LTBP2: variants seen among roughly 807,000 people sequenced by gnomAD.
LTBP2 encodes latent-transforming growth factor beta-binding protein 2.
Under a neutral mutation model 210.6 loss-of-function variants are expected in LTBP2, and 103 were observed. That is an observed-to-expected ratio of 0.49 (90% CI 0.42 to 0.58). LTBP2 has a LOEUF of 0.58. Among genes scored for constraint, LTBP2 ranks in the 20% least tolerant of loss-of-function variants. LTBP2 has a pLI of 0.00. For missense variants in LTBP2, 2,313 were observed against 2,494.5 expected (o/e 0.93, Z 1.55); for synonymous variants, 1,007 against 1,015.0 (o/e 0.99, Z 0.15).
At chr14:74,601,776 C>A (rs891853737) in intron 2 of LTBP2, among the ~76,000 whole-genome samples, 1 of 152,156 alleles carries the variant, frequency 6.6e-6, no homozygotes, top group Non-Finnish European at 1.5e-5. Flanking sequence ...CATAGAATAA[C>A]GTATGATGTT....
chr14:74,507,504 A>G (rs1426015091), intron 25 of LTBP2, among the ~76,000 whole-genome samples, 194 bp from the exon 26 acceptor site: 1 of 152,216 alleles, frequency 6.6e-6, no homozygotes, highest in Non-Finnish European at 1.5e-5. Context: ...AGAGAACCGT[A>G]TGCTATTTAG....
intron 8 of LTBP2, among the ~76,000 whole-genome samples, chr14:74,543,708 T>C (rs1291577216): frequency 1.3e-5 from 2 of 152,146 alleles, no homozygotes; most frequent in Admixed American, 1.3e-4. Flanking sequence ...TTCATGGGGT[T>C]ATTATGAACA....
chr14:74,591,284 G>T (rs2088279989), intron 2 of LTBP2, among the ~76,000 whole-genome samples: 2 of 152,212 alleles, frequency 1.3e-5, no homozygotes, highest in South Asian at 4.1e-4. Flanking sequence ...TTCAGTGAGG[G>T]TTAGGGCTGG....
At chr14:74,541,826 T>G in intron 8 of LTBP2, among the ~76,000 whole-genome samples, 1 of 151,562 alleles carries the variant, frequency 6.6e-6, no homozygotes, top group East Asian at 1.9e-4. Context: ...GCCTGGTAAG[T>G]GCTCCACGAT....
At chr14:74,550,058 C>T in intron 7 of LTBP2, 93 bp from the exon 8 acceptor site, 1 of 821,022 alleles carries the variant, frequency 1.2e-6, no homozygotes, top group Middle Eastern at 2.2e-4. Flanking sequence ...ACACAGAGCT[C>T]ACTCCCCACA....
chr14:74,538,876 G>T (rs12588688), intron 8 of LTBP2, among the ~76,000 whole-genome samples: 102,250 of 152,098 alleles, frequency 0.67, 35,707 homozygotes, highest in Non-Finnish European at 0.78. Context: ...ACGCTGAGAA[G>T]GAGATGGAAA....
rs564172020 is a variant in LTBP2, at chr14:74,536,153, T to C, written c.1790-153A>G. On this transcript the variant is annotated intron_variant, in intron 8 of 35. Transcript: ENST00000261978. ...CATCGCCCTGGGCAGCTGTGCTTCCTGGTTCTCACCAGACTCCTCTCAGCC... is the reference window on the plus strand; with the variant it reads ...CATCGCCCTGGGCAGCTGTGCTTCCCGGTTCTCACCAGACTCCTCTCAGCC... 2.0e-5 allele frequency among the ~76,000 whole-genome samples: 3 copies of C among 152,358 alleles called. No homozygotes were observed. In the South Asian group the frequency reaches 6.2e-4, roughly 32 times the overall value.
At chr14:74,611,379 G>A in intron 1 of LTBP2, 72 bp downstream of exon 1, 2 of 1,395,568 alleles carry the variant, frequency 1.4e-6, no homozygotes, top group Non-Finnish European at 1.9e-6. Flanking sequence ...CTCTCCTCTC[G>A]CCTGCACGCC....
intron 3 of LTBP2, among the ~76,000 whole-genome samples, chr14:74,558,568 G>A (rs1388390574): frequency 6.6e-6 from 1 of 152,192 alleles, no homozygotes; most frequent in Non-Finnish European, 1.5e-5. Context: ...GGTGAAAAGA[G>A]TAGCTCATGT....
intron 28 of LTBP2, among the ~76,000 whole-genome samples, chr14:74,505,802 G>C (rs1448726204): frequency 6.6e-6 from 1 of 152,134 alleles, no homozygotes; most frequent in Non-Finnish European, 1.5e-5. Context: ...GCCACCCTAA[G>C]TCAGCATCAG....
At chr14:74,535,467 A>T (rs1412190003) in intron 9 of LTBP2, among the ~76,000 whole-genome samples, 2 of 152,194 alleles carry the variant, frequency 1.3e-5, no homozygotes, top group Non-Finnish European at 2.9e-5. Context: ...TATGGGTTGA[A>T]GCAAGCGGGA....
At chr14:74,592,799 C>T (rs563559496) in intron 2 of LTBP2, among the ~76,000 whole-genome samples, 1 of 152,226 alleles carries the variant, frequency 6.6e-6, no homozygotes, top group Non-Finnish European at 1.5e-5. Context: ...ATTTAGCCTG[C>T]GGGAGTTGAT....
intron 34 of LTBP2, 124 bp from the exon 35 acceptor site, chr14:74,501,714 AG>A: frequency 8.4e-7 from 1 of 1,190,302 alleles, no homozygotes; most frequent in South Asian, 1.3e-5. Context: ...GGGGGCAGAG[AG>A]GATCATAAAA....
intron 2 of LTBP2, among the ~76,000 whole-genome samples, chr14:74,594,054 C>T (rs141307332): frequency 1.3e-5 from 2 of 152,278 alleles, no homozygotes; most frequent in Non-Finnish European, 2.9e-5. Flanking sequence ...GGCCCTGTGG[C>T]TAGAAAAGGC....
At chr14:74,537,314 G>T (rs1314725189) in intron 8 of LTBP2, among the ~76,000 whole-genome samples, 1 of 152,222 alleles carries the variant, frequency 6.6e-6, no homozygotes, top group Non-Finnish European at 1.5e-5. Context: ...AAAGGCAGGG[G>T]AATACTATCT....
At position 74,498,238 on chromosome 14, in the gene LTBP2, C is replaced by A. The variant is rs774052044; in HGVS notation, c.*2646G>T. 1.7e-5 allele frequency: 3 copies of A among 179,072 alleles called. No individual in the cohort carries two copies. The highest frequency in any genetic ancestry group is 3.6e-5 in the Non-Finnish European group (3 of 83,748). The allele number at this position is 179,072 out of a possible 1,614,324, so 11.1% of individuals were successfully genotyped here. A position where few individuals can be genotyped will look rare whatever the true frequency, so the allele number is the denominator to read the frequency against. On this transcript the variant is annotated 3_prime_UTR_variant, in exon 36 of 36. Transcript: ENST00000261978. ...TAGGTGATACATATGGTACAAAATT[C>A]AAAAAAATACAAAAGGAGATACAGT... is the stretch of plus-strand genomic sequence containing the variant.
chr14:74,605,072 G>A (rs1244436997), intron 1 of LTBP2, among the ~76,000 whole-genome samples: 1 of 152,122 alleles, frequency 6.6e-6, no homozygotes, highest in African/African-American at 2.4e-5. Flanking sequence ...AATCATCACC[G>A]GGCACTGGAA....
At chr14:74,511,211 T>C (rs746719759) in intron 19 of LTBP2, 34 bp downstream of exon 19, 8 of 1,613,250 alleles carry the variant, frequency 5.0e-6, no homozygotes, top group Middle Eastern at 1.7e-4. Flanking sequence ...CAAGGCCGAA[T>C]GGCTGGCTCA....
chr14:74,567,892 C>T (rs1279462435), intron 3 of LTBP2, among the ~76,000 whole-genome samples: 1 of 152,148 alleles, frequency 6.6e-6, no homozygotes, highest in Non-Finnish European at 1.5e-5. Flanking sequence ...GCCCCTGGCT[C>T]CGAGTTCCCT....
Sources: allele counts gnomAD v4.1 joint callset (sites outside exome capture counted in the v4.1 genomes callset), GRCh38; gene constraint gnomAD v4.1.1; transcripts MANE v1.5; gene names NCBI Gene and HGNC (gene_info 2026-07-23, HGNC 2026-07-21).